GUCY2F: variants seen among roughly 807,000 people sequenced by gnomAD.
GUCY2F encodes the protein guanylate cyclase 2F, retinal, also known as retinal guanylyl cyclase 2.
Under a neutral mutation model 73.1 loss-of-function variants are expected in GUCY2F, and 61 were observed. The ratio of observed to expected loss-of-function variants is 0.83; its 90% CI spans 0.68 to 1.03. The LOEUF (loss-of-function observed/expected upper bound fraction) is 1.03, where lower values mean the gene tolerates loss of function less well. GUCY2F is among the 50% of genes least tolerant of loss of function. The pLI is 0.00. For missense variants in GUCY2F, 912 were observed against 854.3 expected, an observed-to-expected ratio of 1.07 and a Z score of -0.84; for synonymous variants, 331 against 307.8, an observed-to-expected ratio of 1.08 and a Z score of -0.79.
intron 8 of GUCY2F, among the ~76,000 whole-genome samples, chrX:109,426,566 T>C (rs1166546426): frequency 9.0e-6 from 1 of 111,436 alleles, no homozygotes; most frequent in African/African-American, 3.3e-5. Flanking sequence ...TTTTTTTGTA[T>C]TTTTAGTAGA....
chrX:109,460,654 G>A (rs955650726), intron 3 of GUCY2F, among the ~76,000 whole-genome samples: 2 of 111,477 alleles, frequency 1.8e-5, no homozygotes, highest in African/African-American at 3.3e-5. Context: ...AAGAATATAG[G>A]TCATGAGATT....
At chrX:109,442,542 A>G (rs899130674) in intron 6 of GUCY2F, among the ~76,000 whole-genome samples, 1 of 111,688 alleles carries the variant, frequency 9.0e-6, no homozygotes, top group Non-Finnish European at 1.9e-5. Flanking sequence ...ATTAATCTTA[A>G]CTACTTCCCA....
intron 7 of GUCY2F, among the ~76,000 whole-genome samples, chrX:109,439,444 T>G (rs774630501): frequency 1.8e-5 from 2 of 111,910 alleles, no homozygotes; most frequent in South Asian, 7.6e-4. Context: ...ACTTTTTTTT[T>G]GTCACACTCT....
intron 2 of GUCY2F, among the ~76,000 whole-genome samples, chrX:109,465,694 T>A (rs773633435): frequency 2.7e-5 from 3 of 112,066 alleles, no homozygotes; most frequent in Non-Finnish European, 3.8e-5. Flanking sequence ...AGAACTAGTA[T>A]AATCAATGGG....
chrX:109,450,429 C>G (rs1932113116), intron 5 of GUCY2F, among the ~76,000 whole-genome samples: 1 of 111,691 alleles, frequency 9.0e-6, no homozygotes, highest in South Asian at 3.7e-4. Context: ...GTAACATAAA[C>G]AGCTGAGTGA....
chrX:109,399,870 G>C (rs889549578), intron 10 of GUCY2F, among the ~76,000 whole-genome samples: 4 of 109,630 alleles, frequency 3.6e-5, no homozygotes, highest in African/African-American at 1.0e-4. Flanking sequence ...AATTGCGGGT[G>C]GGGGGATGCC....
intron 8 of GUCY2F, among the ~76,000 whole-genome samples, chrX:109,418,298 A>T (rs1389248845): frequency 3.6e-5 from 4 of 112,072 alleles, no homozygotes; most frequent in Non-Finnish European, 5.7e-5. Context: ...TCACACTATC[A>T]ACCATCTTGA....
chrX:109,443,799 G>C lies in GUCY2F; in HGVS notation c.1570-2317C>G, dbSNP rs2348153. Among the ~76,000 whole-genome samples the C allele has an allele frequency of 2.8e-3, 314 of 111,729 alleles. 1 individual carries two copies. The highest frequency in any genetic ancestry group is 9.7e-3 in the African/African-American group (300 of 30,817). On this transcript the variant is annotated intron_variant, in intron 6 of 19. Transcript: ENST00000218006. ...GACATGGATACCACCAAAGAAGTGG[G>C]GATTTTACAAATAGGTTTATTGCTT...
At chrX:109,436,243 T>A (rs1255172713) in intron 7 of GUCY2F, among the ~76,000 whole-genome samples, 2 of 111,830 alleles carry the variant, frequency 1.8e-5, no homozygotes, top group African/African-American at 6.5e-5. Context: ...AGATATCATC[T>A]CACACCAGTT....
intron 10 of GUCY2F, among the ~76,000 whole-genome samples, chrX:109,403,406 T>G (rs1238813966): frequency 9.0e-6 from 1 of 111,644 alleles, no homozygotes; most frequent in Non-Finnish European, 1.9e-5. Flanking sequence ...TAAATTGGAG[T>G]CCAGAGACCA....
intron 2 of GUCY2F, among the ~76,000 whole-genome samples, chrX:109,469,727 T>A (rs1932536761): frequency 9.0e-6 from 1 of 111,254 alleles, no homozygotes; most frequent in Non-Finnish European, 1.9e-5. Context: ...CTGGCCATAT[T>A]GTGAAAGAAG....
chrX:109,392,762 TAGG>T (rs1930597764), intron 13 of GUCY2F, 127 bp downstream of exon 13: 2 of 434,203 alleles, frequency 4.6e-6, no homozygotes, highest in Non-Finnish European at 8.0e-6. Context: ...TAAAGCCCAC[TAGG>T]AGAAGAGAAG....
At chrX:109,412,464 T>C (rs1163681229) in intron 8 of GUCY2F, among the ~76,000 whole-genome samples, 2 of 111,787 alleles carry the variant, frequency 1.8e-5, no homozygotes, top group Non-Finnish European at 3.8e-5. Context: ...CCCATGACAA[T>C]TCTCTTCATC....
Position 109,444,450 on chromosome X carries a change from C to T in GUCY2F, c.1570-2968G>A, listed in dbSNP as rs752774724. Reference sequence around the variant, plus strand: ...GGCACAGTTGTGTAGCAAGAGTAAACGGCACATGAAGACAACATAATGTAT... The same window carrying T: ...GGCACAGTTGTGTAGCAAGAGTAAATGGCACATGAAGACAACATAATGTAT... On this transcript the variant is annotated intron_variant, in intron 6 of 19. Coordinates refer to ENST00000218006, the MANE Select transcript of GUCY2F (RefSeq NM_001522.3). Among the ~76,000 whole-genome samples, 4 of 111,782 alleles carry T rather than the reference C, an allele frequency of 3.6e-5. No homozygotes were observed. In the South Asian group the frequency reaches 1.1e-3, roughly 31 times the overall value.
At chrX:109,447,226 A>G (rs188220172) in intron 6 of GUCY2F, among the ~76,000 whole-genome samples, 1,709 of 111,550 alleles carry the variant, frequency 0.015, 13 homozygotes, top group Middle Eastern at 0.032. Flanking sequence ...GCGATTCCTC[A>G]AGGATCTAGA....
At chrX:109,446,195 C>T (rs1251416034) in intron 6 of GUCY2F, among the ~76,000 whole-genome samples, 2 of 112,042 alleles carry the variant, frequency 1.8e-5, no homozygotes, top group Non-Finnish European at 3.8e-5. Flanking sequence ...AATGGCCATA[C>T]TGCCCAAGGC....
intron 11 of GUCY2F, among the ~76,000 whole-genome samples, chrX:109,397,815 A>G (rs1294382648): frequency 2.8e-5 from 3 of 107,484 alleles, no homozygotes; most frequent in Non-Finnish European, 3.8e-5. Flanking sequence ...AAGTTTTCTC[A>G]TTATTAGATT....
At chrX:109,403,618 G>A (rs1437333439) in intron 10 of GUCY2F, among the ~76,000 whole-genome samples, 1 of 111,982 alleles carries the variant, frequency 8.9e-6, no homozygotes, top group Admixed American at 9.4e-5. Context: ...AACTTTGGTA[G>A]TGCCAATGAG....
chrX:109,385,086 A>T lies in GUCY2F; in HGVS notation c.3055+98T>A, dbSNP rs1428169281. ...TTTTATTTTTCTTTAAAACATTGAA[A>T]CATCAAGTATCCTGCTCTCTTTCAC... is the stretch of plus-strand genomic sequence containing the variant. On this transcript the variant is annotated intron_variant, in intron 16 of 19. Transcript: ENST00000218006. 1.1e-5 allele frequency: 5 copies of T among 443,958 alleles called. No individual in the cohort carries two copies. The African/African-American group carries it at 1.3e-4, about 11-fold the overall frequency. 36.6% of individuals were successfully genotyped at this position (443,958 alleles called of 1,213,427 possible).
Sources: allele counts gnomAD v4.1 joint callset (sites outside exome capture counted in the v4.1 genomes callset), GRCh38; gene constraint gnomAD v4.1.1; transcripts MANE v1.5; gene names NCBI Gene and HGNC (gene_info 2026-07-23, HGNC 2026-07-21).